MYO15A: variants seen among roughly 807,000 people sequenced by gnomAD.
The protein encoded by MYO15A is myosin XVA.
A neutral mutation model predicts 394.6 loss-of-function variants in MYO15A; 308 were observed. The observed-to-expected ratio is 0.78, with a 90% CI of 0.71 to 0.86. The LOEUF is 0.86. Among genes scored for constraint, MYO15A ranks in the 40% least tolerant of loss-of-function variants. The probability of loss-of-function intolerance (pLI) is 0.00; values close to 1 mark genes in which losing one functional copy is unlikely to be tolerated. For missense variants in MYO15A, 4,606 were observed against 4,799.1 expected (o/e 0.96, Z 1.19); for synonymous variants, 1,957 against 2,003.8 (o/e 0.98, Z 0.62).
intron 14 of MYO15A, 35 bp from the exon 15 acceptor site, chr17:18,136,528 G>A: frequency 6.2e-7 from 1 of 1,613,856 alleles, no homozygotes; most frequent in Non-Finnish European, 8.5e-7. Flanking sequence ...CCCCACCACG[G>A]TGTCCTGCTC....
At chr17:18,164,862 A>C (rs1404660712) in intron 60 of MYO15A, 5 of 112,716 alleles carry the variant, frequency 4.4e-5, no homozygotes, top group Admixed American at 8.9e-5. Flanking sequence ...AAAAAAAGCC[A>C]GGTGTGGTGG....
intron 1 of MYO15A, among the ~76,000 whole-genome samples, chr17:18,113,295 G>A (rs2045744506): frequency 6.6e-6 from 1 of 151,598 alleles, no homozygotes; most frequent in Non-Finnish European, 1.5e-5. Context: ...GGGCCTACAG[G>A]TGCTTGCCAC....
At position 18,148,218 on chromosome 17, in the gene MYO15A, G is replaced by A; in HGVS notation, c.6691+8G>A. ...ACGTGGGCTGCTTCAATGGTAAGCTGCCTTCCCCCACCTCAGTGAGGGCAG... is the reference window on the plus strand; with the variant it reads ...ACGTGGGCTGCTTCAATGGTAAGCTACCTTCCCCCACCTCAGTGAGGGCAG... On this transcript the variant is annotated splice_region_variant and intron_variant, in intron 31 of 65. Transcript: ENST00000647165. This position sits in a 1 kb window ranked among gnomAD's most constrained non-coding sequence, Gnocchi z 4.8. 1.2e-6 allele frequency: 2 copies of A among 1,613,430 alleles called. No individual in the cohort carries two copies. Among genetic ancestry groups the A allele is most frequent in the Non-Finnish European group, 1.7e-6 (2 of 1,180,016 alleles).
At chr17:18,156,483 C>G (rs1343440325) in intron 48 of MYO15A, 147 bp downstream of exon 48, 1 of 985,914 alleles carries the variant, frequency 1.0e-6, no homozygotes, top group Non-Finnish European at 1.5e-6. Flanking sequence ...TTGGAATACC[C>G]TTTCTCCCTT....
At chr17:18,131,173 C>A in intron 8 of MYO15A, 66 bp from the exon 9 acceptor site, 1 of 1,417,676 alleles carries the variant, frequency 7.1e-7, no homozygotes, top group Non-Finnish European at 9.9e-7. Context: ...CCCAGCTATG[C>A]CCCCCACCCA....
intron 13 of MYO15A, 78 bp downstream of exon 13, chr17:18,135,902 T>C: frequency 7.4e-7 from 1 of 1,353,464 alleles, no homozygotes; most frequent in East Asian, 2.5e-5. Context: ...CGATCCTTTG[T>C]GGGCAGCCTC....
At position 18,147,907 on chromosome 17, in the gene MYO15A, C is replaced by G. The variant is rs2046507449; in HGVS notation, c.6510-122C>G. ...GAGCCTTTTTAGCCTCACCTTGGAG[C>G]TCTGGAGTAGCCTGGGCCTTTCTCA... On this transcript the variant is annotated intron_variant, in intron 30 of 65. Transcript: ENST00000647165. The surrounding 1 kb of genome is among the most constrained non-coding windows in gnomAD (Gnocchi z 4.4). The G allele has an allele frequency of 1.6e-6, 2 of 1,266,944 alleles. No homozygotes were observed. The highest frequency in any genetic ancestry group is 4.7e-5 in the East Asian group (2 of 42,186). 78.5% of individuals were successfully genotyped at this position (1,266,944 alleles called of 1,614,324 possible). A position where few individuals can be genotyped will look rare whatever the true frequency, so the allele number is the denominator to read the frequency against.
chr17:18,137,937 G>A (rs2046308273), intron 16 of MYO15A, 178 bp from the exon 17 acceptor site: 1 of 949,264 alleles, frequency 1.1e-6, no homozygotes, highest in Non-Finnish European at 1.6e-6. Flanking sequence ...CAGGCAGAGG[G>A]AGCAGCAGGA....
chr17:18,171,609 G>T (rs1382378265), intron 62 of MYO15A, 29 bp from the exon 63 acceptor site: 1 of 1,613,618 alleles, frequency 6.2e-7, no homozygotes, highest in African/African-American at 1.3e-5. Flanking sequence ...AGCTCACTCA[G>T]GACCTTTTTC....
rs1314383043 is a variant in MYO15A at position 18,119,768 on chromosome 17, C to A, written c.968C>A (p.Ser323Ter). ...EPPYAPPSGY[S>*]SPYSYHDGYE... ...CCATATGCGCCCCCGTCGGGGTACT[C>A]GTCTCCTTACAGCTACCACGATGGG... The change falls in exon 2 of 66, where the codon TCG (serine) becomes TAG (stop). Residue 323 changes from serine to a stop codon, truncating the protein, a stop_gained. Transcript: ENST00000647165. LOFTEE classifies it high-confidence loss of function. 1 of 1,612,972 alleles carries A rather than the reference C, an allele frequency of 6.2e-7. No homozygotes were observed.
At chr17:18,167,039 G>T (rs1390004387) in intron 61 of MYO15A, among the ~76,000 whole-genome samples, 1 of 152,180 alleles carries the variant, frequency 6.6e-6, no homozygotes, top group African/African-American at 2.4e-5. Flanking sequence ...TGTGGAACTG[G>T]TGCCAAAACT....
At chr17:18,152,309 G>A (rs2046599853) in intron 42 of MYO15A, 125 bp downstream of exon 42, 2 of 922,934 alleles carry the variant, frequency 2.2e-6, no homozygotes, top group Non-Finnish European at 1.7e-6. Context: ...CATCTTGTGA[G>A]CACATTGGTG....
chr17:18,164,124 A>T, intron 60 of MYO15A: 1 of 483,488 alleles, frequency 2.1e-6, no homozygotes, highest in East Asian at 4.0e-5. Context: ...CCGTGCCCTC[A>T]AGGAGATTAC....
intron 7 of MYO15A, among the ~76,000 whole-genome samples, chr17:18,127,682 A>C (rs2046074773): frequency 6.6e-6 from 1 of 151,958 alleles, no homozygotes; most frequent in Non-Finnish European, 1.5e-5. Context: ...AGAATGGTAG[A>C]ACTGCATCCG....
rs759319915 is a variant in MYO15A at position 18,153,849 on chromosome 17, T to A, written c.8041T>A (p.Phe2681Ile). The change falls in exon 43 of 66, where the codon TTC becomes ATC. Residue 2681 changes from phenylalanine to isoleucine, a missense_variant. Physicochemically the swap from Phe to Ile is conservative, Grantham distance 21 (BLOSUM62 0). This residue lies in a region of MYO15A where 2,776 missense variants were observed against 3,109.3 expected (regional missense o/e 0.89). Coordinates refer to ENST00000647165, the MANE Select transcript of MYO15A (RefSeq NM_016239.4). This position sits in a 1 kb window ranked among gnomAD's most constrained non-coding sequence, Gnocchi z 4.1. ...GCTGCACCGCCTCATCAATCCCAAC[T>A]TCTACGGCTATCAGGACGCCCCCTG... is the stretch of plus-strand genomic sequence containing the variant. Reference protein sequence around the residue: ...TRLHRLINPNFYGYQDAPWKI... With the variant: ...TRLHRLINPNIYGYQDAPWKI... 2 of 1,613,506 alleles carry A rather than the reference T, an allele frequency of 1.2e-6. No individual in the cohort carries two copies. Among genetic ancestry groups the A allele is most frequent in the East Asian group, 4.5e-5 (2 of 44,892 alleles).
Position 18,173,856 on chromosome 17 carries a change from C to G in MYO15A, c.10426C>G (p.Pro3476Ala). The G allele has an allele frequency of 6.2e-6, 10 of 1,613,304 alleles. No homozygotes were observed. The highest frequency in any genetic ancestry group is 6.8e-6 in the Non-Finnish European group (8 of 1,179,488). ...TQRPTANSSY[P>A]YVEIALGDVA... ...GCGGCCCACGGCCAACTCCAGCTAC[C>G]CCTATGTGGAGATTGCGCTGGGGGA... is the stretch of plus-strand genomic sequence containing the variant. Residue 3476 changes from proline to alanine, a missense_variant, in exon 65 of 66, where the codon CCC (proline) becomes GCC (alanine). Pro to Ala is a conservative substitution (Grantham distance 27). Around this residue, in one of 2 missense-constraint regions of MYO15A, gnomAD observed 2,776 missense variants for 3,109.3 expected, o/e 0.89. Transcript: ENST00000647165.
chr17:18,149,036 C>T (rs2046533736), intron 33 of MYO15A, 84 bp downstream of exon 33: 1 of 1,518,436 alleles, frequency 6.6e-7, no homozygotes, highest in East Asian at 2.5e-5. Context: ...CCTGCCCCTC[C>T]CAGCTGCTGG....
chr17:18,126,723 C>T (rs1180760339), intron 5 of MYO15A, 68 bp from the exon 6 acceptor site: 4 of 1,524,202 alleles, frequency 2.6e-6, no homozygotes, highest in Admixed American at 1.7e-5. Flanking sequence ...ACGGATGCTC[C>T]CTGCCCAATC....
rs553225793 is a variant in MYO15A, at chr17:18,159,175, G to A, written c.9157-100G>A. The A allele has an allele frequency of 9.8e-5, 145 of 1,472,784 alleles. No homozygotes were observed. The African/African-American group carries it at 1.6e-3, about 16-fold the overall frequency. The allele number at this position is 1,472,784 out of a possible 1,614,324, so 91.2% of individuals were successfully genotyped here. On this transcript the variant is annotated intron_variant, in intron 53 of 65. Coordinates refer to ENST00000647165, the MANE Select transcript of MYO15A (RefSeq NM_016239.4). ...TTGGGCCTGGCTCCCCTTTTGTGAC[G>A]TGGACCCTCCTGTTATCATATGGCC...
Sources: allele counts gnomAD v4.1 joint callset (sites outside exome capture counted in the v4.1 genomes callset), GRCh38; gene constraint gnomAD v4.1.1; regional missense constraint gnomAD v4.1.1; non-coding constraint Gnocchi (gnomAD v3.1); transcripts MANE v1.5; gene names NCBI Gene and HGNC (gene_info 2026-07-23, HGNC 2026-07-21).